Variants in DEK observed in about 807,000 individuals in gnomAD.
DEK encodes protein DEK.
DEK carries 28 observed loss-of-function variants against 46.8 expected under a neutral mutation model. That is an observed-to-expected ratio of 0.60 (90% CI 0.44 to 0.82). DEK has a LOEUF of 0.82. Ranked by LOEUF, DEK falls within the 40% of genes least tolerant of loss-of-function variation. The pLI is 0.00. For missense variants in DEK, 416 were observed against 430.6 expected (o/e 0.97, Z 0.30); for synonymous variants, 160 against 144.5 (o/e 1.11, Z -0.77).
chr6:18,256,222 G>A lies in DEK; in HGVS notation c.452+139C>T, dbSNP rs1791589757. 3.8e-5 allele frequency: 25 copies of A among 662,426 alleles called. No homozygotes were observed. The South Asian group carries it at 5.1e-4, about 13-fold the overall frequency. 41.0% of individuals were successfully genotyped at this position (662,426 alleles called of 1,614,324 possible). A position where few individuals can be genotyped will look rare whatever the true frequency, so the allele number is the denominator to read the frequency against. On this transcript the variant is annotated intron_variant, in intron 5 of 10. Coordinates refer to ENST00000652689, the MANE Select transcript of DEK (RefSeq NM_003472.4). ...GGCTGGTCTCAAACTCCTGACCTCA[G>A]GTGATACGCCCGCCTCAGCCTCCCA...
In DEK at chr6:18,225,433, G is replaced by T. The variant is rs1790069343; in HGVS notation, c.*286C>A. On this transcript the variant is annotated 3_prime_UTR_variant, in exon 11 of 11. Transcript: ENST00000652689. ...TGCACTAAAAACCACAACAGCTCAA[G>T]AATCTATGACCTTATATAAAGAAAT... 1 of 361,370 alleles carries T rather than the reference G, an allele frequency of 2.8e-6. No individual in the cohort carries two copies. Among genetic ancestry groups the T allele is most frequent in the African/African-American group, 2.1e-5 (1 of 47,916 alleles). 22.4% of individuals were successfully genotyped at this position (361,370 alleles called of 1,614,324 possible).
intron 10 of DEK, 128 bp from the exon 11 acceptor site, chr6:18,225,858 G>C (rs1023777580): frequency 9.8e-6 from 11 of 1,126,526 alleles, no homozygotes; most frequent in African/African-American, 1.6e-5. Flanking sequence ...GCTACCTGCT[G>C]ATCTTCCCCT....
chr6:18,239,136 C>G (rs538860418), intron 7 of DEK, among the ~76,000 whole-genome samples: 2 of 152,078 alleles, frequency 1.3e-5, no homozygotes, highest in Non-Finnish European at 2.9e-5. Flanking sequence ...GTTGGCCAGG[C>G]TGGTCAGGAA....
At chr6:18,260,231 C>T (rs1390181596) in intron 2 of DEK, among the ~76,000 whole-genome samples, 1 of 152,076 alleles carries the variant, frequency 6.6e-6, no homozygotes, top group Non-Finnish European at 1.5e-5. Flanking sequence ...TACAACTTAA[C>T]TGATATGTAA....
chr6:18,241,565 C>T (rs940592434), intron 7 of DEK, among the ~76,000 whole-genome samples: 7 of 152,194 alleles, frequency 4.6e-5, no homozygotes, highest in Non-Finnish European at 1.0e-4. Flanking sequence ...AAGGGTGTTA[C>T]AGCCAAACAT....
chr6:18,257,079 ATACT>A (rs954022468), intron 4 of DEK, among the ~76,000 whole-genome samples: 3 of 152,362 alleles, frequency 2.0e-5, no homozygotes, highest in African/African-American at 7.2e-5. Context: ...ATTATATAAT[ATACT>A]AAGTCATATG....
intron 7 of DEK, among the ~76,000 whole-genome samples, chr6:18,242,674 A>G (rs1252904954): frequency 1.3e-5 from 2 of 152,176 alleles, no homozygotes; most frequent in Admixed American, 6.5e-5. Context: ...TTGCAGTATC[A>G]TTGTGCTTGT....
chr6:18,260,860 G>C (rs906273119), intron 2 of DEK, among the ~76,000 whole-genome samples: 1 of 151,806 alleles, frequency 6.6e-6, no homozygotes, highest in Non-Finnish European at 1.5e-5. Flanking sequence ...AAGTACCCGG[G>C]CATGGTGGCG....
chr6:18,263,682 C>A (rs1270578118), intron 2 of DEK, among the ~76,000 whole-genome samples, 161 bp downstream of exon 2: 3 of 152,206 alleles, frequency 2.0e-5, no homozygotes, highest in African/African-American at 7.2e-5. Context: ...TACGCCATCG[C>A]TCAAAACAAA....
At position 18,225,469 on chromosome 6, in the gene DEK, C is replaced by G. The variant is rs1437641779; in HGVS notation, c.*250G>C. ...CTTATATAAAGAAATCCAAAATGTA[C>G]AAAATACAACTATAAAAGCAAGGAA... On this transcript the variant is annotated 3_prime_UTR_variant, in exon 11 of 11. Transcript: ENST00000652689. The G allele has an allele frequency of 4.7e-6, 2 of 428,410 alleles. No homozygotes were observed. Among genetic ancestry groups the G allele is most frequent in the Non-Finnish European group, 8.3e-6 (2 of 241,480 alleles). The allele number at this position is 428,410 out of a possible 1,614,324, so 26.5% of individuals were successfully genotyped here.
intron 1 of DEK, 124 bp from the exon 2 acceptor site, chr6:18,264,120 A>G (rs2151097995): frequency 3.5e-6 from 3 of 851,848 alleles, no homozygotes; most frequent in Non-Finnish European, 5.1e-6. Flanking sequence ...CTCCTCCCAT[A>G]GCCGGGACCG....
intron 8 of DEK, 25 bp downstream of exon 8, chr6:18,237,356 C>G: frequency 6.3e-7 from 1 of 1,578,954 alleles, no homozygotes; most frequent in South Asian, 1.2e-5. Context: ...TTTAAAGTTG[C>G]TGATTAATGT....
At chr6:18,259,229 CT>C (rs1791734377) in intron 2 of DEK, among the ~76,000 whole-genome samples, 1 of 151,040 alleles carries the variant, frequency 6.6e-6, no homozygotes, top group African/African-American at 2.4e-5. Context: ...CCCATCTCTA[CT>C]AAAAAATACA....
At position 18,258,018 on chromosome 6, in the gene DEK, G is replaced by GA. The variant is rs1406971367; in HGVS notation, c.291dup (p.Leu98SerfsTer3). 6.2e-7 allele frequency: 1 copy of GA among 1,608,842 alleles called. No individual in the cohort carries two copies. The highest frequency in any genetic ancestry group is 8.5e-7 in the Non-Finnish European group (1 of 1,178,412). On this transcript the variant is annotated frameshift_variant, in exon 4 of 11. Transcript: ENST00000652689. LOFTEE classifies it high-confidence loss of function. ...AGTTCATCGGTTTTCTTCTTACTTA[G>GA]AAAAAAATGTATCCTCTCAATTTCA...
At chr6:18,233,230 C>T (rs1187451253) in intron 9 of DEK, among the ~76,000 whole-genome samples, 1 of 152,126 alleles carries the variant, frequency 6.6e-6, no homozygotes, top group East Asian at 1.9e-4. Context: ...AAACATTAGA[C>T]CTAAAACCAT....
Position 18,261,645 on chromosome 6 carries a change from T to C in DEK, c.145+2198A>G, listed in dbSNP as rs371008784. On this transcript the variant is annotated intron_variant, in intron 2 of 10. Transcript: ENST00000652689. Reference sequence around the variant, plus strand: ...ACCAAACCAGACTGTGTGGGGCCTATTGCACCTTTCTTTTGGCCTTTCTCC... The same window carrying C: ...ACCAAACCAGACTGTGTGGGGCCTACTGCACCTTTCTTTTGGCCTTTCTCC... Among the ~76,000 whole-genome samples the C allele has an allele frequency of 1.1e-3, 163 of 152,310 alleles. 1 individual carries two copies. Among genetic ancestry groups the C allele is most frequent in the African/African-American group, 3.7e-3 (153 of 41,572 alleles).
intron 5 of DEK, 32 bp from the exon 6 acceptor site, chr6:18,255,883 T>C (rs1791572359): frequency 6.3e-7 from 1 of 1,583,608 alleles, no homozygotes; most frequent in Non-Finnish European, 8.5e-7. Flanking sequence ...ACCAAGGTGT[T>C]AATATAGGAA....
chr6:18,263,803 G>C (rs1426298100), intron 2 of DEK, 40 bp downstream of exon 2: 6 of 1,610,152 alleles, frequency 3.7e-6, no homozygotes, highest in Non-Finnish European at 4.2e-6. Context: ...AAAAAACTTC[G>C]GTCTGAAAAA....
intron 2 of DEK, among the ~76,000 whole-genome samples, chr6:18,258,841 G>A (rs556720230): frequency 1.3e-5 from 2 of 152,022 alleles, no homozygotes; most frequent in Non-Finnish European, 2.9e-5. Context: ...GATATATAGA[G>A]AACAATAACA....
Sources: gnomAD v4.1 joint callset for allele counts (sites outside exome capture counted in the v4.1 genomes callset) on GRCh38, gnomAD v4.1.1 for gene constraint, MANE v1.5 for transcripts, NCBI Gene and HGNC (gene_info 2026-07-23, HGNC 2026-07-21) for gene names.